The following TOX variants were observed in gnomAD, a reference collection of about 807,000 sequenced individuals.
TOX encodes thymocyte selection-associated high mobility group box protein TOX.
TOX carries 11 observed loss-of-function variants against 53.7 expected under a neutral mutation model. That is an observed-to-expected ratio of 0.20 (90% confidence interval 0.13 to 0.34). TOX has a LOEUF of 0.34. TOX is among the 10% of genes least tolerant of loss of function. TOX has a pLI of 1.00. For synonymous variants in TOX, 225 were observed against 245.3 expected (o/e 0.92, Z 0.77); for missense variants, 570 against 664.6 (o/e 0.86, Z 1.56).
intron 3 of TOX, among the ~76,000 whole-genome samples, chr8:58,852,518 C>T (rs532816092): frequency 9.2e-5 from 14 of 152,334 alleles, no homozygotes; most frequent in African/African-American, 2.4e-4. Context: ...ATGAGACTCA[C>T]TCTTGTAATT....
chr8:59,068,432 G>C (rs2129422426), intron 1 of TOX, among the ~76,000 whole-genome samples: 1 of 148,492 alleles, frequency 6.7e-6, no homozygotes, highest in South Asian at 2.2e-4. Flanking sequence ...AAAAAGAGGT[G>C]ACAAAAGAGG....
chr8:59,079,755 C>T (rs557951646), intron 1 of TOX, among the ~76,000 whole-genome samples: 2 of 152,216 alleles, frequency 1.3e-5, no homozygotes, highest in South Asian at 4.2e-4. Context: ...ACACACAGTC[C>T]CAGCTGTGAG....
At chr8:58,982,596 C>G (rs1813225886) in intron 1 of TOX, among the ~76,000 whole-genome samples, 1 of 152,146 alleles carries the variant, frequency 6.6e-6, no homozygotes, top group Admixed American at 6.5e-5. Context: ...CTTTGCATCC[C>G]AAGTCCTGCA....
intron 4 of TOX, among the ~76,000 whole-genome samples, chr8:58,850,377 C>T (rs899584800): frequency 3.9e-5 from 6 of 152,190 alleles, no homozygotes; most frequent in Admixed American, 6.5e-5. Context: ...AGAGCCTTTA[C>T]TGGGGATTTT....
At chr8:58,981,989 T>G (rs1170212605) in intron 1 of TOX, among the ~76,000 whole-genome samples, 1 of 152,112 alleles carries the variant, frequency 6.6e-6, no homozygotes, top group African/African-American at 2.4e-5. Context: ...ACCCAAACAA[T>G]CAACCAATAG....
At chr8:58,862,062 G>A (rs1477786168) in intron 3 of TOX, among the ~76,000 whole-genome samples, 1 of 152,038 alleles carries the variant, frequency 6.6e-6, no homozygotes, top group Non-Finnish European at 1.5e-5. Flanking sequence ...TTTTACATTA[G>A]TATTTTATTA....
intron 3 of TOX, among the ~76,000 whole-genome samples, chr8:58,910,623 G>A (rs1378418759): frequency 6.6e-6 from 1 of 152,184 alleles, no homozygotes; most frequent in East Asian, 1.9e-4. Flanking sequence ...AGTTTTGAAA[G>A]TTTAAAGTAA....
At chr8:59,084,294 A>G (rs1804469873) in intron 1 of TOX, among the ~76,000 whole-genome samples, 3 of 152,170 alleles carry the variant, frequency 2.0e-5, no homozygotes, top group Admixed American at 6.5e-5. Flanking sequence ...AGATAACGAT[A>G]TATGACTCTT....
At chr8:58,932,036 C>T (rs2129175780) in intron 3 of TOX, among the ~76,000 whole-genome samples, 1 of 152,102 alleles carries the variant, frequency 6.6e-6, no homozygotes, top group Admixed American at 6.6e-5. Flanking sequence ...ATATCAATAC[C>T]ACATTCAAAG....
At chr8:58,959,832 T>C in intron 2 of TOX, 111 bp downstream of exon 2, 3 of 1,134,488 alleles carry the variant, frequency 2.6e-6, no homozygotes, top group Admixed American at 3.9e-5. Flanking sequence ...TTATAAATTA[T>C]GATTATTCCT....
intron 1 of TOX, among the ~76,000 whole-genome samples, chr8:59,003,256 T>A (rs1813727081): frequency 1.3e-5 from 2 of 152,254 alleles, no homozygotes; most frequent in Non-Finnish European, 2.9e-5. Flanking sequence ...TTATTTTCAA[T>A]GCCTTTTTTC....
At chr8:58,940,878 T>C (rs1297558840) in intron 2 of TOX, among the ~76,000 whole-genome samples, 1 of 152,224 alleles carries the variant, frequency 6.6e-6, no homozygotes, top group Non-Finnish European at 1.5e-5. Flanking sequence ...AGTTTTGATA[T>C]ATTTGTTTAG....
At chr8:58,873,675 T>A (rs979636370) in intron 3 of TOX, among the ~76,000 whole-genome samples, 1 of 152,150 alleles carries the variant, frequency 6.6e-6, no homozygotes, top group Non-Finnish European at 1.5e-5. Flanking sequence ...ACGGGATGTT[T>A]TTCCCTCCCT....
At position 58,947,351 on chromosome 8, in the gene TOX, G is replaced by T. The variant is rs536131774; in HGVS notation, c.169-7807C>A. ...GTTGATTATATGAGATTGAATAACT[G>T]ATCAAGATCAGGTTTTTATACTTTT... On this transcript the variant is annotated intron_variant, in intron 2 of 8. Transcript: ENST00000361421. 4.1e-4 allele frequency among the ~76,000 whole-genome samples: 63 copies of T among 152,218 alleles called. 2 individuals carry two copies. The South Asian group carries it at 0.012, about 29-fold the overall frequency.
intron 3 of TOX, among the ~76,000 whole-genome samples, chr8:58,937,521 C>A (rs1812364674): frequency 6.6e-6 from 1 of 152,074 alleles, no homozygotes; most frequent in South Asian, 2.1e-4. Context: ...CCATGGGCAG[C>A]AAATCTGGAA....
chr8:58,822,544 C>A (rs1275033502), intron 6 of TOX, among the ~76,000 whole-genome samples: 2 of 152,148 alleles, frequency 1.3e-5, no homozygotes, highest in Non-Finnish European at 2.9e-5. Flanking sequence ...AGCTGAGGTA[C>A]CCACCCAGCT....
chr8:58,853,272 A>G (rs1172445965), intron 3 of TOX, among the ~76,000 whole-genome samples: 1 of 152,098 alleles, frequency 6.6e-6, no homozygotes, highest in African/African-American at 2.4e-5. Context: ...CTAAGTCCGA[A>G]TCAACGTTTT....
intron 1 of TOX, among the ~76,000 whole-genome samples, chr8:59,029,307 T>G (rs1814309022): frequency 7.4e-6 from 1 of 135,760 alleles, no homozygotes; most frequent in Non-Finnish European, 1.6e-5. Flanking sequence ...ACTGGAAAAC[T>G]GCCAGCATGT....
intron 1 of TOX, among the ~76,000 whole-genome samples, chr8:58,989,973 CAA>C (rs899777643): frequency 6.6e-6 from 1 of 152,200 alleles, no homozygotes; most frequent in African/African-American, 2.4e-5. Flanking sequence ...TCCAGAGACA[CAA>C]AGTCCTCAGT....
Sources: gnomAD v4.1 joint callset for allele counts (sites outside exome capture counted in the v4.1 genomes callset) on GRCh38, gnomAD v4.1.1 for gene constraint, MANE v1.5 for transcripts, NCBI Gene and HGNC (gene_info 2026-07-23, HGNC 2026-07-21) for gene names.